Variants in TRHDE observed in about 807,000 individuals in gnomAD.
TRHDE encodes thyrotropin-releasing hormone-degrading ectoenzyme.
TRHDE carries 72 observed loss-of-function variants against 125.7 expected under a neutral mutation model. The observed-to-expected ratio is 0.57, with a 90% CI of 0.47 to 0.70. TRHDE has a LOEUF of 0.70. Among genes scored for constraint, TRHDE ranks in the 30% least tolerant of loss-of-function variants. The probability of loss-of-function intolerance (pLI) is 0.00; values close to 1 mark genes in which losing one functional copy is unlikely to be tolerated. For missense variants in TRHDE, 1,110 were observed against 1,327.1 expected (o/e 0.84, Z 2.54); for synonymous variants, 509 against 509.1 (o/e 1.00, Z 0.00).
At chr12:72,648,428 G>A (rs549241058) in intron 15 of TRHDE, among the ~76,000 whole-genome samples, 2 of 152,102 alleles carry the variant, frequency 1.3e-5, no homozygotes, top group African/African-American at 4.8e-5. Context: ...GAAATAAACG[G>A]CATCCTAATT....
chr12:72,597,666 T>TAAAA (rs758942039), intron 12 of TRHDE, among the ~76,000 whole-genome samples: 7 of 75,660 alleles, frequency 9.3e-5, no homozygotes, highest in African/African-American at 3.9e-4. Flanking sequence ...AGACCTTGTC[T>TAAAA]AAAAAAAAAA....
At chr12:72,090,407 T>C (rs146181211) in intron 1 of TRHDE, among the ~76,000 whole-genome samples, 2,476 of 152,280 alleles carry the variant, frequency 0.016, 35 homozygotes, top group Middle Eastern at 0.037. Flanking sequence ...TTTGAATGAG[T>C]ATAGAATTTG....
chr12:72,537,563 T>G (rs1868928196), intron 6 of TRHDE, among the ~76,000 whole-genome samples: 1 of 152,072 alleles, frequency 6.6e-6, no homozygotes, highest in Admixed American at 6.6e-5. Flanking sequence ...TAAACCTCTT[T>G]CCTTTATGAA....
chr12:72,467,025 T>G (rs1041294358), intron 3 of TRHDE, among the ~76,000 whole-genome samples: 1 of 152,042 alleles, frequency 6.6e-6, no homozygotes, highest in Non-Finnish European at 1.5e-5. Flanking sequence ...GCTCAATGAG[T>G]ATTTGTTGTA....
intron 3 of TRHDE, among the ~76,000 whole-genome samples, chr12:72,452,175 A>G (rs916510625): frequency 1.4e-5 from 2 of 143,120 alleles, no homozygotes; most frequent in Non-Finnish European, 3.0e-5. Flanking sequence ...CTTATTGGTT[A>G]TATTTATTCC....
At chr12:72,342,318 G>T (rs767809745) in intron 2 of TRHDE, among the ~76,000 whole-genome samples, 8 of 152,066 alleles carry the variant, frequency 5.3e-5, no homozygotes, top group Non-Finnish European at 7.4e-5. Flanking sequence ...ATTTGTTTTA[G>T]TTCTCGTCTA....
chr12:72,603,824 C>A (rs1048817735), intron 12 of TRHDE, among the ~76,000 whole-genome samples: 9 of 151,836 alleles, frequency 5.9e-5, no homozygotes, highest in African/African-American at 2.2e-4. Flanking sequence ...AAAGAAATCT[C>A]ACTCAAAGGG....
intron 6 of TRHDE, among the ~76,000 whole-genome samples, chr12:72,512,647 CATATATA>C (rs1352173503): frequency 1.3e-4 from 18 of 139,150 alleles, no homozygotes; most frequent in African/African-American, 1.6e-4. Context: ...CATATATAAT[CATATATA>C]ATATATAATA....
At chr12:72,346,254 A>G (rs1870323400) in intron 2 of TRHDE, among the ~76,000 whole-genome samples, 1 of 151,988 alleles carries the variant, frequency 6.6e-6, no homozygotes, top group Non-Finnish European at 1.5e-5. Context: ...TCCTCGACAA[A>G]GAGTTGATGA....
chr12:72,162,866 C>G (rs1039789152), intron 2 of TRHDE: 1 of 149,618 alleles, frequency 6.7e-6, no homozygotes, highest in Non-Finnish European at 1.5e-5. Flanking sequence ...GATAGACAAT[C>G]ATAGGGGGCA....
chr12:72,652,426 T>C lies in TRHDE; in HGVS notation c.2780T>C (p.Val927Ala). The change falls in exon 16 of 19, where the codon GTT (valine) becomes GCT (alanine). Residue 927 changes from valine to alanine, a missense_variant. Val to Ala is a moderately conservative substitution (Grantham distance 64). Coordinates refer to ENST00000261180, the MANE Select transcript of TRHDE (RefSeq NM_013381.3). ...IWMKFHSTTA[V>A]SEKKILLEAL... The stretch of plus-strand genomic sequence containing the variant: ...ATGAAATTCCATTCCACCACAGCAG[T>C]TTCTGAGAAGAAAATATTATTGGAA... The C allele has an allele frequency of 6.2e-7, 1 of 1,607,996 alleles. No individual in the cohort carries two copies.
chr12:72,337,530 GTAT>G (rs1306189509), intron 2 of TRHDE, among the ~76,000 whole-genome samples: 1 of 152,034 alleles, frequency 6.6e-6, no homozygotes, highest in Non-Finnish European at 1.5e-5. Flanking sequence ...TACCTTGGTG[GTAT>G]TTATAGATTA....
At chr12:72,385,013 A>G (rs993297535) in intron 3 of TRHDE, among the ~76,000 whole-genome samples, 2 of 152,110 alleles carry the variant, frequency 1.3e-5, no homozygotes, top group Admixed American at 1.3e-4. Flanking sequence ...TTAATCAAAC[A>G]GCTCATAGTT....
intron 2 of TRHDE, among the ~76,000 whole-genome samples, chr12:72,355,376 T>C (rs17111091): frequency 0.058 from 8,760 of 151,566 alleles, 474 homozygotes; most frequent in African/African-American, 0.13. Context: ...TTGTAGGCTC[T>C]TTTCCTCAGA....
chr12:72,172,809 G>T (rs1013137359), intron 2 of TRHDE, among the ~76,000 whole-genome samples: 1 of 152,168 alleles, frequency 6.6e-6, no homozygotes, highest in African/African-American at 2.4e-5. Flanking sequence ...GAGGATAGCT[G>T]CTTCTTAAAG....
intron 2 of TRHDE, among the ~76,000 whole-genome samples, chr12:72,221,811 C>T (rs1281823122): frequency 6.6e-6 from 1 of 152,080 alleles, no homozygotes; most frequent in Non-Finnish European, 1.5e-5. Flanking sequence ...TAAAACAAGA[C>T]CTGTTTTTAT....
intron 2 of TRHDE, among the ~76,000 whole-genome samples, chr12:72,322,522 C>T (rs975980906): frequency 1.3e-5 from 2 of 152,056 alleles, no homozygotes; most frequent in South Asian, 4.1e-4. Flanking sequence ...TTAACAGAAA[C>T]AGATATCAAA....
chr12:72,101,017 G>T (rs951411167), intron 1 of TRHDE, among the ~76,000 whole-genome samples: 13 of 152,184 alleles, frequency 8.5e-5, no homozygotes, highest in African/African-American at 3.1e-4. Flanking sequence ...AGGGTAAAGT[G>T]ATGTGCTAGT....
intron 2 of TRHDE, among the ~76,000 whole-genome samples, chr12:72,336,982 C>T (rs781246626): frequency 1.3e-5 from 2 of 152,164 alleles, no homozygotes; most frequent in Non-Finnish European, 2.9e-5. Flanking sequence ...GTTAGAAATG[C>T]AGAATCTCAG....
Sources: allele counts gnomAD v4.1 joint callset (sites outside exome capture counted in the v4.1 genomes callset), GRCh38; gene constraint gnomAD v4.1.1; transcripts MANE v1.5; gene names NCBI Gene and HGNC (gene_info 2026-07-23, HGNC 2026-07-21).